ARHGAP29: variants seen among roughly 807,000 people sequenced by gnomAD.
ARHGAP29 encodes the protein Rho GTPase activating protein 29.
In ARHGAP29, 43 loss-of-function variants were observed where a neutral mutation model predicts 122.6. The ratio of observed to expected loss-of-function variants is 0.35; its 90% CI spans 0.27 to 0.45. The LOEUF is 0.45. Among genes scored for constraint, ARHGAP29 ranks in the 20% least tolerant of loss-of-function variants. ARHGAP29 has a pLI of 1.00. For synonymous variants in ARHGAP29, 506 were observed against 497.1 expected, an observed-to-expected ratio of 1.02 and a Z score of -0.24; for missense variants, 1,303 against 1,477.2, an observed-to-expected ratio of 0.88 and a Z score of 1.93.
the ARHGAP29 span, chr1:94,302,247 C>A: frequency 4.0e-6 from 1 of 251,158 alleles, no homozygotes; most frequent in Admixed American, 4.5e-5. Context: ...CCATCACCAT[C>A]TTCCAGGAGG....
chr1:94,304,937 G>A, the ARHGAP29 span, among the ~76,000 whole-genome samples: 7 of 152,210 alleles, frequency 4.6e-5, no homozygotes, highest in African/African-American at 1.4e-4. Context: ...CTGTGTGAGA[G>A]GTAGATGTCT....
At chr1:94,211,663 A>C (rs1233691109) in intron 3 of ARHGAP29, among the ~76,000 whole-genome samples, 1 of 152,252 alleles carries the variant, frequency 6.6e-6, no homozygotes, top group Non-Finnish European at 1.5e-5. Flanking sequence ...TTTTTGTGAC[A>C]ACATGAAATT....
chr1:94,191,260 C>T (rs1267489505), intron 12 of ARHGAP29: 2 of 152,146 alleles, frequency 1.3e-5, no homozygotes, highest in Non-Finnish European at 2.9e-5. Flanking sequence ...TAAAATGACA[C>T]TCTGGCTTCT....
the ARHGAP29 span, among the ~76,000 whole-genome samples, chr1:94,294,362 A>C: frequency 6.6e-6 from 1 of 152,112 alleles, no homozygotes; most frequent in Non-Finnish European, 1.5e-5. Context: ...CCCAGGCTGG[A>C]GTGCCATTGT....
chr1:94,181,122 T>C (rs1158425294), intron 19 of ARHGAP29, among the ~76,000 whole-genome samples: 1 of 152,214 alleles, frequency 6.6e-6, no homozygotes, highest in African/African-American at 2.4e-5. Flanking sequence ...CTTCATAAGC[T>C]GAAGAGTTGA....
At position 94,246,500 on chromosome 1, in the gene ARHGAP29, C is replaced by G. The variant is rs80255521; in HGVS notation, c.-32-14857G>C. Among the ~76,000 whole-genome samples, 102 of 152,240 alleles carry G rather than the reference C, an allele frequency of 6.7e-4. 2 individuals carry two copies. In the East Asian group the frequency reaches 0.018, roughly 27 times the overall value. The stretch of plus-strand genomic sequence containing the variant: ...TTCATAAAACATCTCCTAACATTCC[C>G]CTTCCCCCCGCCAACCCCTCCATCC... On this transcript the variant is annotated intron_variant and NMD_transcript_variant, in intron 1 of 25. Coordinates refer to the ARHGAP29 transcript ENST00000552844.
Position 94,209,309 on chromosome 1 carries a change from G to C in ARHGAP29, c.382C>G (p.Leu128Val). The change falls in exon 4 of 23, where the codon CTC becomes GTC. Residue 128 changes from leucine to valine, a missense_variant. Physicochemically the swap from Leu to Val is conservative, Grantham distance 32 (BLOSUM62 1). Coordinates refer to ENST00000260526, the MANE Select transcript of ARHGAP29 (RefSeq NM_004815.4). ...TEVNEENKND[L>V]FQEVFSSIET... The stretch of plus-strand genomic sequence containing the variant: ...ATAGAAGAAAACACTTCCTGGAAGA[G>C]ATCGTTTTTGTTTTCTTCATTAACT... 6.2e-7 allele frequency: 1 copy of C among 1,609,634 alleles called. No homozygotes were observed. Among genetic ancestry groups the C allele is most frequent in the Non-Finnish European group, 8.5e-7 (1 of 1,178,900 alleles).
chr1:94,212,161 C>G (rs890887576), intron 3 of ARHGAP29, among the ~76,000 whole-genome samples: 9 of 152,108 alleles, frequency 5.9e-5, no homozygotes, highest in Non-Finnish European at 2.9e-5. Context: ...CTCCTGTAAT[C>G]AATCCCACCT....
intron 1 of ARHGAP29, among the ~76,000 whole-genome samples, chr1:94,236,156 A>G (rs558139727): frequency 2.6e-5 from 4 of 152,364 alleles, no homozygotes; most frequent in Admixed American, 1.3e-4. Flanking sequence ...CACTCTCCAC[A>G]AAAACAGAAT....
At chr1:94,268,561 A>T (rs899428309) in intron 1 of ARHGAP29, among the ~76,000 whole-genome samples, 3 of 151,988 alleles carry the variant, frequency 2.0e-5, no homozygotes, top group African/African-American at 7.3e-5. Flanking sequence ...GTTTCTCTTC[A>T]TTAATACTTT....
chr1:94,288,201 A>C, the ARHGAP29 span, among the ~76,000 whole-genome samples: 184 of 152,304 alleles, frequency 1.2e-3, no homozygotes, highest in African/African-American at 4.2e-3. Flanking sequence ...AACTGGTGTG[A>C]GATAGTATCT....
At chr1:94,312,819 C>T in the ARHGAP29 span, among the ~76,000 whole-genome samples, 2 of 151,280 alleles carry the variant, frequency 1.3e-5, no homozygotes, top group East Asian at 1.9e-4. Flanking sequence ...TCAGTGACTA[C>T]CCCTTCTCAA....
intron 1 of ARHGAP29, among the ~76,000 whole-genome samples, chr1:94,254,388 C>A (rs966812682): frequency 2.0e-5 from 3 of 152,186 alleles, no homozygotes; most frequent in Non-Finnish European, 4.4e-5. Context: ...TCACTGAAAC[C>A]ATCAGCTTAG....
Position 94,177,634 on chromosome 1 carries a change from T to G in ARHGAP29, c.2883A>C (p.Gly961=), listed in dbSNP as rs1161536957. The part of the protein sequence containing the change: ...EESERKQNAL[G]KCDACLSDKA... ...CACCACTGAGACATGCATCACATTT[T>G]CCTAACGCATTTTGCTTGCGTTCTG... The change falls in exon 22 of 23, where the codon GGA becomes GGC. Residue 961 remains glycine (G), a synonymous_variant. Coordinates refer to ENST00000260526, the MANE Select transcript of ARHGAP29 (RefSeq NM_004815.4). 9.9e-6 allele frequency: 16 copies of G among 1,611,976 alleles called. No individual in the cohort carries two copies. The highest frequency in any genetic ancestry group is 1.4e-5 in the Non-Finnish European group (16 of 1,179,420).
At chr1:94,293,219 C>G in the ARHGAP29 span, among the ~76,000 whole-genome samples, 3 of 152,220 alleles carry the variant, frequency 2.0e-5, no homozygotes, top group African/African-American at 7.2e-5. Context: ...GGTCCAGTGT[C>G]CCAGGTTGAT....
chr1:94,285,496 G>A, the ARHGAP29 span, among the ~76,000 whole-genome samples: 91 of 152,298 alleles, frequency 6.0e-4, no homozygotes, highest in African/African-American at 2.1e-3. Context: ...CAGCCTGGAA[G>A]GGTCAATGAA....
At chr1:94,199,750 T>G (rs1425230336) in intron 12 of ARHGAP29, among the ~76,000 whole-genome samples, 2 of 152,162 alleles carry the variant, frequency 1.3e-5, no homozygotes, top group Non-Finnish European at 2.9e-5. Flanking sequence ...CAATAAAAGC[T>G]CTACTTAGCT....
chr1:94,287,744 A>C, the ARHGAP29 span, among the ~76,000 whole-genome samples: 10 of 152,134 alleles, frequency 6.6e-5, no homozygotes, highest in Admixed American at 4.6e-4. Context: ...GCGTGAGAAC[A>C]TGCGATGTTT....
the ARHGAP29 span, among the ~76,000 whole-genome samples, chr1:94,304,093 A>G: frequency 2.0e-5 from 3 of 152,164 alleles, no homozygotes; most frequent in Non-Finnish European, 4.4e-5. Flanking sequence ...TGCTCGTAGC[A>G]TATGCTAGTT....
Sources: allele counts gnomAD v4.1 joint callset (sites outside exome capture counted in the v4.1 genomes callset), GRCh38; gene constraint gnomAD v4.1.1; transcripts MANE v1.5; gene names NCBI Gene and HGNC (gene_info 2026-07-23, HGNC 2026-07-21).